Variants in SPMIP6 observed in about 807,000 individuals in gnomAD.
SPMIP6 encodes the protein ciliated bronchial epithelial protein 1.
the SPMIP6 span, among the ~76,000 whole-genome samples, chr9:34,390,268 A>AT: frequency 6.6e-6 from 1 of 151,956 alleles, no homozygotes; most frequent in Non-Finnish European, 1.5e-5. Context: ...TTGGCTGTAT[A>AT]TTTTTTGTAT....
At chr9:34,380,396 T>A in the SPMIP6 span, among the ~76,000 whole-genome samples, 1 of 152,274 alleles carries the variant, frequency 6.6e-6, no homozygotes, top group South Asian at 2.1e-4. Context: ...TGGTCACCAT[T>A]TCCCGGCTCA....
chr9:34,391,294 CTTGT>C, the SPMIP6 span, among the ~76,000 whole-genome samples: 2 of 151,998 alleles, frequency 1.3e-5, no homozygotes, highest in Admixed American at 6.6e-5. Context: ...TTGTCTGTGC[CTTGT>C]TTTTCTTAAT....
chr9:34,380,649 G>C, the SPMIP6 span: 1 of 1,530,492 alleles, frequency 6.5e-7, no homozygotes, highest in Non-Finnish European at 8.8e-7. Flanking sequence ...GGTTGACCTT[G>C]AGCCCAGTTT....
chr9:34,397,355 A>T, the SPMIP6 span: 1 of 893,832 alleles, frequency 1.1e-6, no homozygotes, highest in Non-Finnish European at 1.8e-6. Flanking sequence ...GTGCTGTTTT[A>T]CATACCATTG....
the SPMIP6 span, among the ~76,000 whole-genome samples, chr9:34,395,105 GGC>G: frequency 6.6e-6 from 1 of 151,928 alleles, no homozygotes; most frequent in South Asian, 2.1e-4. Context: ...TGGGACTATG[GGC>G]ACATGCCACT....
At chr9:34,381,073 C>T in the SPMIP6 span, 32 of 1,611,344 alleles carry the variant, frequency 2.0e-5, no homozygotes, top group Non-Finnish European at 2.5e-5. This position sits in a 1 kb window ranked among gnomAD's most constrained non-coding sequence, Gnocchi z 4.4. Flanking sequence ...GGGGCGTGAT[C>T]CGCGGCAGCT....
the SPMIP6 span, among the ~76,000 whole-genome samples, chr9:34,384,837 G>A: frequency 6.6e-6 from 1 of 152,198 alleles, no homozygotes; most frequent in East Asian, 1.9e-4. Flanking sequence ...AGTGAGTATG[G>A]ACCATGTTTC....
chr9:34,379,368 C>T, the SPMIP6 span, among the ~76,000 whole-genome samples: 1 of 152,286 alleles, frequency 6.6e-6, no homozygotes, highest in South Asian at 2.1e-4. The surrounding 1 kb of genome is among the most constrained non-coding windows in gnomAD (Gnocchi z 4.2). Context: ...TCCTTAACAT[C>T]GACTTCTTAC....
At chr9:34,395,518 C>T in the SPMIP6 span, among the ~76,000 whole-genome samples, 2 of 152,026 alleles carry the variant, frequency 1.3e-5, no homozygotes, top group African/African-American at 2.4e-5. Context: ...TTATATTCTC[C>T]AAAGTTATGT....
At chr9:34,397,486 A>G in the SPMIP6 span, 5 of 1,613,568 alleles carry the variant, frequency 3.1e-6, no homozygotes, top group African/African-American at 5.3e-5. Flanking sequence ...CTCCCCACCA[A>G]TCTCCCACTT....
the SPMIP6 span, chr9:34,397,422 A>C: frequency 6.8e-7 from 1 of 1,473,548 alleles, no homozygotes; most frequent in East Asian, 2.3e-5. Context: ...GCTACAAATC[A>C]TTACAAACAT....
chr9:34,380,799 G>C, the SPMIP6 span: 5 of 1,536,574 alleles, frequency 3.3e-6, no homozygotes, highest in Non-Finnish European at 4.4e-6. Flanking sequence ...GCAGGCTGGG[G>C]GCCTGCACGG....
chr9:34,381,154 C>A, the SPMIP6 span: 1 of 1,563,536 alleles, frequency 6.4e-7, no homozygotes, highest in Non-Finnish European at 8.7e-7. This position sits in a 1 kb window ranked among gnomAD's most constrained non-coding sequence, Gnocchi z 4.4. Flanking sequence ...GTCCCCAGCG[C>A]AGGAGACCCA....
the SPMIP6 span, among the ~76,000 whole-genome samples, chr9:34,394,316 C>A: frequency 2.0e-5 from 3 of 151,970 alleles, no homozygotes; most frequent in African/African-American, 7.3e-5. Flanking sequence ...CCACCATGCC[C>A]GGCTAATTTT....
the SPMIP6 span, chr9:34,390,105 G>A: frequency 1.7e-3 from 250 of 150,868 alleles, no homozygotes; most frequent in African/African-American, 5.7e-3. Context: ...TGACAGTTTT[G>A]TTTTTTTCCT....
chr9:34,379,496 T>A, the SPMIP6 span: 1 of 761,554 alleles, frequency 1.3e-6, no homozygotes, highest in Non-Finnish European at 2.3e-6. The surrounding 1 kb of genome is among the most constrained non-coding windows in gnomAD (Gnocchi z 4.2). Flanking sequence ...CACCTTTGAC[T>A]GCTCCATGCC....
chr9:34,396,762 C>T, the SPMIP6 span, among the ~76,000 whole-genome samples: 1 of 152,176 alleles, frequency 6.6e-6, no homozygotes, highest in East Asian at 1.9e-4. Context: ...TGGCTCTCCA[C>T]CTCTGCTGGT....
chr9:34,383,595 G>A, the SPMIP6 span, among the ~76,000 whole-genome samples: 1 of 152,130 alleles, frequency 6.6e-6, no homozygotes, highest in Non-Finnish European at 1.5e-5. Flanking sequence ...TATCTTTGCA[G>A]CACCTTAACC....
chr9:34,383,937 A>G, the SPMIP6 span, among the ~76,000 whole-genome samples: 1 of 152,226 alleles, frequency 6.6e-6, no homozygotes, highest in African/African-American at 2.4e-5. Flanking sequence ...CTTTTCACAA[A>G]TGAAAATTTG....
Sources: allele counts gnomAD v4.1 joint callset (sites outside exome capture counted in the v4.1 genomes callset), GRCh38; gene constraint gnomAD v4.1.1; non-coding constraint Gnocchi (gnomAD v3.1); transcripts MANE v1.5; gene names NCBI Gene and HGNC (gene_info 2026-07-23, HGNC 2026-07-21).